Variants in RNF145 observed in about 807,000 individuals in gnomAD.
RNF145 encodes ring finger protein 145.
In RNF145, 12 loss-of-function variants were observed where a neutral mutation model predicts 57.3. That is an observed-to-expected ratio of 0.21 (90% CI 0.13 to 0.34). The LOEUF (loss-of-function observed/expected upper bound fraction) is 0.34. RNF145 is among the 10% of genes least tolerant of loss of function. RNF145 has a pLI of 1.00. For missense variants in RNF145, 429 were observed against 799.0 expected (o/e 0.54, Z 5.58); for synonymous variants, 262 against 288.3 (o/e 0.91, Z 0.92).
upstream of RNF145, chr5:159,209,933 T>G: frequency 6.5e-7 from 1 of 1,533,536 alleles, no homozygotes; most frequent in Non-Finnish European, 8.7e-7. Flanking sequence ...AGAATTCGTT[T>G]TAACCTCGTC....
chr5:159,194,879 C>A (rs916966232), intron 2 of RNF145, 55 bp from the exon 3 acceptor site: 2 of 1,248,576 alleles, frequency 1.6e-6, no homozygotes, highest in Non-Finnish European at 2.3e-6. Context: ...CAATTAATTA[C>A]AATAAAAGAA....
At chr5:159,172,046 C>T (rs1017094627) in intron 6 of RNF145, among the ~76,000 whole-genome samples, 1 of 152,234 alleles carries the variant, frequency 6.6e-6, no homozygotes, top group Non-Finnish European at 1.5e-5. Flanking sequence ...GTTAAGCCTA[C>T]TGCACTATGC....
At chr5:159,169,575 A>T (rs1784483605) in intron 7 of RNF145, 104 bp downstream of exon 7, 16 of 971,408 alleles carry the variant, frequency 1.6e-5, no homozygotes, top group Non-Finnish European at 1.9e-5. Flanking sequence ...AAACCTCTCC[A>T]ATTCCATTTC....
intron 7 of RNF145, 83 bp from the exon 8 acceptor site, chr5:159,169,138 G>C: frequency 9.1e-7 from 1 of 1,097,436 alleles, no homozygotes; most frequent in Non-Finnish European, 1.3e-6. Context: ...CAAAGGCTTA[G>C]ACTCTTGTTA....
upstream of RNF145, chr5:159,209,710 A>C (rs1786047921): frequency 1.9e-6 from 2 of 1,052,080 alleles, no homozygotes; most frequent in Non-Finnish European, 2.7e-6. Context: ...AGCCTAGCCA[A>C]GCCCATACAG....
At chr5:159,209,936 A>C (rs1451881923), upstream of RNF145, 4 of 1,530,430 alleles carry the variant, frequency 2.6e-6, no homozygotes, top group Non-Finnish European at 1.8e-6. Context: ...ATTCGTTTTA[A>C]CCTCGTCACT....
Position 159,194,812 on chromosome 5 carries a change from C to T in RNF145, c.197G>A (p.Ser66Asn). 6.2e-7 allele frequency: 1 copy of T among 1,607,920 alleles called. No individual in the cohort carries two copies. Among genetic ancestry groups the T allele is most frequent in the Non-Finnish European group, 8.5e-7 (1 of 1,174,948 alleles). The change falls in exon 3 of 11, where the codon AGT becomes AAT. Residue 66 changes from serine (S) to asparagine (N), a missense_variant. Ser to Asn is a conservative substitution (Grantham distance 46, BLOSUM62 1). Transcript: ENST00000424310. ...CCTGGGCAATGTTAGCAGCACCACA[C>T]TTAAGATATAACCTGTACCAGAAAG... ...LNMHYVGYILSVVLLTLPRQH... is the reference protein window; with the variant it reads ...LNMHYVGYILNVVLLTLPRQH...
At chr5:159,206,891 G>A (rs1197574798) in intron 1 of RNF145, among the ~76,000 whole-genome samples, 1 of 151,720 alleles carries the variant, frequency 6.6e-6, no homozygotes, top group African/African-American at 2.4e-5. Context: ...CCAACATGAT[G>A]TGTCTGCAGG....
At chr5:159,164,773 T>C (rs975531547) in intron 8 of RNF145, among the ~76,000 whole-genome samples, 3 of 152,220 alleles carry the variant, frequency 2.0e-5, no homozygotes, top group African/African-American at 7.2e-5. Context: ...ACCATAGTTC[T>C]AATATTCCTT....
At chr5:159,209,201 G>C in intron 1 of RNF145, 30 bp downstream of exon 1, 1 of 962,804 alleles carries the variant, frequency 1.0e-6, no homozygotes, top group Non-Finnish European at 1.2e-6. Flanking sequence ...GCGCGGGGAT[G>C]GGAAGGGGCC....
intron 5 of RNF145, among the ~76,000 whole-genome samples, chr5:159,175,348 C>T (rs1257145122): frequency 6.6e-6 from 1 of 152,056 alleles, no homozygotes; most frequent in Admixed American, 6.6e-5. Context: ...TGATTCTTTC[C>T]TGGTCACGCA....
upstream of RNF145, chr5:159,209,959 C>T: frequency 6.7e-7 from 1 of 1,485,676 alleles, no homozygotes; most frequent in Non-Finnish European, 9.1e-7. Context: ...CTGGACTAGA[C>T]TGTAAACTCC....
intron 1 of RNF145, chr5:159,208,064 G>A: frequency 2.0e-6 from 3 of 1,493,386 alleles, no homozygotes; most frequent in South Asian, 2.6e-5. Context: ...GCGACGCAAG[G>A]CCATCCACTA....
At position 159,203,646 on chromosome 5, in the gene RNF145, T is replaced by C; in HGVS notation, c.-29A>G. On this transcript the variant is annotated 5_prime_UTR_variant, in exon 2 of 11. Transcript: ENST00000424310. ...GTTTTTTTTTTTCTTTTTTTTTTTC[T>C]TGGAGAAGACCTAAAATTCAGAAGA... The C allele has an allele frequency of 6.3e-7, 1 of 1,581,786 alleles. No individual in the cohort carries two copies. Among genetic ancestry groups the C allele is most frequent in the Non-Finnish European group, 8.6e-7 (1 of 1,166,974 alleles).
intron 5 of RNF145, among the ~76,000 whole-genome samples, chr5:159,174,655 G>C (rs545303695): frequency 6.6e-6 from 1 of 152,256 alleles, no homozygotes; most frequent in South Asian, 2.1e-4. Flanking sequence ...ATTTTGCAGA[G>C]CAAAGATAGT....
intron 6 of RNF145, among the ~76,000 whole-genome samples, chr5:159,172,410 G>A (rs1562053811): frequency 6.6e-6 from 1 of 152,078 alleles, no homozygotes. Context: ...GAACCTGGGA[G>A]GCGGAGGTTG....
chr5:159,161,869 C>T (rs1057108436), intron 9 of RNF145, among the ~76,000 whole-genome samples: 5 of 152,164 alleles, frequency 3.3e-5, no homozygotes, highest in African/African-American at 1.2e-4. Flanking sequence ...CACCGTCAGA[C>T]GTGACTTTCC....
At chr5:159,171,255 A>C (rs1401134277) in intron 6 of RNF145, among the ~76,000 whole-genome samples, 1 of 152,186 alleles carries the variant, frequency 6.6e-6, no homozygotes, top group Non-Finnish European at 1.5e-5. Context: ...TTTTAAACAA[A>C]TTGTGTACAA....
chr5:159,161,181 T>G lies in RNF145; in HGVS notation c.1626+85A>C. 3.8e-6 allele frequency: 3 copies of G among 792,038 alleles called. No individual in the cohort carries two copies. In the South Asian group the frequency reaches 7.2e-5, roughly 19 times the overall value. 49.1% of individuals were successfully genotyped at this position (792,038 alleles called of 1,614,324 possible). ...CCAGAAGATAATTTTGCCTAGAAAT[T>G]TAAGTTGAATTTGGTTAATATGGTT... On this transcript the variant is annotated intron_variant, in intron 10 of 10. Transcript: ENST00000424310.
Sources: allele counts gnomAD v4.1 joint callset (sites outside exome capture counted in the v4.1 genomes callset), GRCh38; gene constraint gnomAD v4.1.1; transcripts MANE v1.5; gene names NCBI Gene and HGNC (gene_info 2026-07-23, HGNC 2026-07-21).